The following SETMAR variants were observed in gnomAD, a reference collection of about 807,000 sequenced individuals.
SETMAR encodes the protein SET and mariner transposase domain methyltransferase, also known as histone-lysine N-methyltransferase SETMAR.
In SETMAR, 44 loss-of-function variants were observed where a neutral mutation model predicts 58.4. The observed-to-expected ratio is 0.75, with a 90% CI of 0.59 to 0.97. SETMAR has a LOEUF of 0.97. Among genes scored for constraint, SETMAR ranks in the 50% least tolerant of loss-of-function variants. The pLI is 0.00. For missense variants in SETMAR, 903 were observed against 840.2 expected, an observed-to-expected ratio of 1.07 and a Z score of -0.92; for synonymous variants, 332 against 307.4, an observed-to-expected ratio of 1.08 and a Z score of -0.84.
intron 1 of SETMAR, among the ~76,000 whole-genome samples, chr3:4,304,772 A>T (rs1045633447): frequency 6.6e-6 from 1 of 152,166 alleles, no homozygotes; most frequent in African/African-American, 2.4e-5. Flanking sequence ...CAAACTCTAA[A>T]ATATTTGAAG....
At chr3:4,303,679 G>A in intron 1 of SETMAR, 153 bp downstream of exon 1, 2 of 1,494,636 alleles carry the variant, frequency 1.3e-6, no homozygotes, top group Non-Finnish European at 8.9e-7. Context: ...TGCATGCCCC[G>A]GCCTGGGCCT....
intron 1 of SETMAR, 80 bp downstream of exon 1, chr3:4,303,606 G>A (rs1698044775): frequency 2.2e-6 from 3 of 1,374,532 alleles, no homozygotes; most frequent in South Asian, 3.4e-5. Flanking sequence ...CGCTGGGACG[G>A]CCTCCCAGTC....
intron 1 of SETMAR, among the ~76,000 whole-genome samples, chr3:4,311,996 T>C (rs1285982672): frequency 6.6e-6 from 1 of 152,214 alleles, no homozygotes. Flanking sequence ...GTCTTCTTTT[T>C]ATATAACATT....
chr3:4,303,879 C>T (rs372885025), intron 1 of SETMAR: 4 of 1,277,612 alleles, frequency 3.1e-6, no homozygotes, highest in Non-Finnish European at 3.1e-6. Context: ...GTAGGATAAG[C>T]CGTGGGGCCT....
At chr3:4,309,684 C>T (rs1446193943) in intron 1 of SETMAR, among the ~76,000 whole-genome samples, 1 of 152,178 alleles carries the variant, frequency 6.6e-6, no homozygotes, top group African/African-American at 2.4e-5. Flanking sequence ...TAGGCCTCAT[C>T]TACGTGGCAG....
intron 2 of SETMAR, among the ~76,000 whole-genome samples, chr3:4,315,477 A>G (rs1698599142): frequency 6.6e-6 from 1 of 152,166 alleles, no homozygotes; most frequent in African/African-American, 2.4e-5. Flanking sequence ...TCTGCCAGAG[A>G]CAACTGACTG....
intron 1 of SETMAR, among the ~76,000 whole-genome samples, chr3:4,312,686 A>C (rs1389848734): frequency 6.8e-6 from 1 of 147,576 alleles, no homozygotes; most frequent in Non-Finnish European, 1.5e-5. Flanking sequence ...TGTGCAACAG[A>C]GCAAGACCCT....
At chr3:4,310,466 A>G (rs962511390) in intron 1 of SETMAR, among the ~76,000 whole-genome samples, 2 of 152,208 alleles carry the variant, frequency 1.3e-5, no homozygotes, top group Non-Finnish European at 2.9e-5. Flanking sequence ...ACTCAAAGCA[A>G]TTATTGGTAT....
Position 4,316,583 on chromosome 3 carries a change from G to C in SETMAR, c.1392G>C (p.Leu464=). Reference sequence around the variant, plus strand: ...TCGATAAGTGGGTGCCTCATGAGCTGACTGAAAATCAAAAAAATCGTCGTT... The same window carrying C: ...TCGATAAGTGGGTGCCTCATGAGCTCACTGAAAATCAAAAAAATCGTCGTT... ...KKLDKWVPHE[L]TENQKNRRFE... Residue 464 remains leucine (L), a synonymous_variant, in exon 3 of 3, where the codon CTG becomes CTC. Coordinates refer to ENST00000358065, the MANE Select transcript of SETMAR (RefSeq NM_006515.4). 1 of 1,551,818 alleles carries C rather than the reference G, an allele frequency of 6.4e-7. No homozygotes were observed. The highest frequency in any genetic ancestry group is 1.2e-5 in the South Asian group (1 of 84,100).
Position 4,312,926 on chromosome 3 carries a change from G to C in SETMAR, c.185G>C (p.Gly62Ala), listed in dbSNP as rs1406502927. The part of the protein sequence containing the change: ...QYTPDHVVGP[G>A]ADIDPTQITF... The stretch of plus-strand genomic sequence containing the variant: ...ACTCCTGATCATGTAGTTGGACCTG[G>C]AGCAGACATTGATCCCACTCAAATA... Residue 62 changes from glycine to alanine, a missense_variant, in exon 2 of 3, where the codon GGA (glycine) becomes GCA (alanine). Gly to Ala is a moderately conservative substitution (Grantham distance 60). Coordinates refer to ENST00000358065, the MANE Select transcript of SETMAR (RefSeq NM_006515.4). 1.9e-6 allele frequency: 3 copies of C among 1,613,184 alleles called. No individual in the cohort carries two copies. The highest frequency in any genetic ancestry group is 2.5e-6 in the Non-Finnish European group (3 of 1,179,438).
chr3:4,311,099 AC>A lies in SETMAR; in HGVS notation c.157-1794del, dbSNP rs527933830. Among the ~76,000 whole-genome samples, 4 of 151,880 alleles carry A rather than the reference AC, an allele frequency of 2.6e-5. No individual in the cohort carries two copies. The South Asian group carries it at 8.3e-4, about 32-fold the overall frequency. ...CAAACAAAAGCTATTTCCTCTCTCC[AC>A]CCCCAAATGACTTTTTAAGCAGAAT... On this transcript the variant is annotated intron_variant, in intron 1 of 2. Coordinates refer to ENST00000358065, the MANE Select transcript of SETMAR (RefSeq NM_006515.4).
Position 4,313,152 on chromosome 3 carries a change from A to G in SETMAR, c.411A>G (p.Leu137=). 2 of 1,614,090 alleles carry G rather than the reference A, an allele frequency of 1.2e-6. No individual in the cohort carries two copies. Among genetic ancestry groups the G allele is most frequent in the Non-Finnish European group, 1.7e-6 (2 of 1,179,972 alleles). Residue 137 remains leucine (L), a synonymous_variant, in exon 2 of 3, where the codon CTA becomes CTG. Transcript: ENST00000358065. ...GAAACAGAGTGGTCCAGAAAGGTCT[A>G]CAGTTCCACTTCCAAGTGTTCAAGA... The part of the protein sequence containing the change: ...HCRNRVVQKG[L]QFHFQVFKTH...
Position 4,316,375 on chromosome 3 carries a change from A to G in SETMAR, c.1184A>G (p.Lys395Arg). The G allele has an allele frequency of 1.3e-6, 2 of 1,552,048 alleles. No homozygotes were observed. Among genetic ancestry groups the G allele is most frequent in the Non-Finnish European group, 1.7e-6 (2 of 1,149,040 alleles). ...CAGTGGTGGTTCAAGAAGTTTTGCA[A>G]AGGAGATGAGAGCCTTGAAGATGAG... ...TVQWWFKKFC[K>R]GDESLEDEER... is the part of the protein sequence containing the mutation. Residue 395 changes from lysine to arginine, a missense_variant, in exon 3 of 3, where the codon AAA becomes AGA. Lys to Arg is a conservative substitution (Grantham distance 26). Transcript: ENST00000358065.
chr3:4,311,437 T>G (rs2125092706), intron 1 of SETMAR, among the ~76,000 whole-genome samples: 1 of 152,332 alleles, frequency 6.6e-6, no homozygotes, highest in South Asian at 2.1e-4. Flanking sequence ...TACCCGACTG[T>G]GCTGTTGTGG....
chr3:4,310,055 A>G (rs1373041415), intron 1 of SETMAR, among the ~76,000 whole-genome samples: 1 of 152,224 alleles, frequency 6.6e-6, no homozygotes. Context: ...TGAATACTGT[A>G]GATACTTGTA....
rs529899487 is a variant in SETMAR, at chr3:4,316,634, A to G, written c.1443A>G (p.Leu481=). The G allele has an allele frequency of 2.5e-5, 39 of 1,551,220 alleles. No homozygotes were observed. The highest frequency in any genetic ancestry group is 3.1e-5 in the Non-Finnish European group (36 of 1,146,760). The change falls in exon 3 of 3, where the codon CTA becomes CTG. Residue 481 remains leucine, a synonymous_variant. Coordinates refer to ENST00000358065, the MANE Select transcript of SETMAR (RefSeq NM_006515.4). ...TTGAAGTGTCATCTTCTCTTATTCT[A>G]CGCAACCACAACGAACCATTTCTCG... is the stretch of plus-strand genomic sequence containing the variant. The part of the protein sequence containing the change: ...RRFEVSSSLI[L]RNHNEPFLDR...
Position 4,316,660 on chromosome 3 carries a change from A to G in SETMAR, c.1469A>G (p.Asp490Gly). The G allele has an allele frequency of 6.4e-7, 1 of 1,551,192 alleles. No homozygotes were observed. Among genetic ancestry groups the G allele is most frequent in the Non-Finnish European group, 8.7e-7 (1 of 1,146,770 alleles). The change falls in exon 3 of 3, where the codon GAT (aspartate) becomes GGT (glycine). Residue 490 changes from aspartate (D) to glycine (G), a missense_variant. Physicochemically the swap from Asp to Gly is moderately conservative, Grantham distance 94. Transcript: ENST00000358065. Reference sequence around the variant, plus strand: ...CGCAACCACAACGAACCATTTCTCGATCGGATTGTGACGTGTGATGAAAAG... The same window carrying G: ...CGCAACCACAACGAACCATTTCTCGGTCGGATTGTGACGTGTGATGAAAAG... ...ILRNHNEPFL[D>G]RIVTCDEKWI... is the part of the protein sequence containing the mutation.
intron 2 of SETMAR, chr3:4,313,992 A>C (rs981183652): frequency 1.4e-6 from 1 of 739,046 alleles, no homozygotes; most frequent in Non-Finnish European, 2.1e-6. Context: ...TGACTGTTCT[A>C]GTTAATAGGA....
rs747854639 is a variant in SETMAR, at chr3:4,313,582, G to C, written c.841G>C (p.Gly281Arg). 1.2e-6 allele frequency: 2 copies of C among 1,614,024 alleles called. No individual in the cohort carries two copies. The highest frequency in any genetic ancestry group is 1.7e-6 in the Non-Finnish European group (2 of 1,179,956). ...TGAAGACAAAGAAAGGCTAGATCAT[G>C]GGAAACTAAGGAAACCTTGTTACTG... ...VSEDKERLDHGKLRKPCYCGA... is the reference protein window; with the variant it reads ...VSEDKERLDHRKLRKPCYCGA... The change falls in exon 2 of 3, where the codon GGG (glycine) becomes CGG (arginine). Residue 281 changes from glycine (G) to arginine (R), a missense_variant. Physicochemically the swap from Gly to Arg is moderately radical, Grantham distance 125. Coordinates refer to ENST00000358065, the MANE Select transcript of SETMAR (RefSeq NM_006515.4).
Sources: allele counts gnomAD v4.1 joint callset (sites outside exome capture counted in the v4.1 genomes callset), GRCh38; gene constraint gnomAD v4.1.1; transcripts MANE v1.5; gene names NCBI Gene and HGNC (gene_info 2026-07-23, HGNC 2026-07-21).